Variants in TRIM9 observed in about 807,000 individuals in gnomAD.
TRIM9 encodes the protein tripartite motif containing 9, also known as E3 ubiquitin-protein ligase TRIM9.
In TRIM9, 26 loss-of-function variants were observed where a neutral mutation model predicts 78.3. That is an observed-to-expected ratio of 0.33 (90% CI 0.24 to 0.46). TRIM9 has a LOEUF of 0.46. Ranked by LOEUF, TRIM9 falls within the 20% of genes least tolerant of loss-of-function variation. The probability of loss-of-function intolerance (pLI) is 1.00; values close to 1 mark genes in which losing one functional copy is unlikely to be tolerated. For synonymous variants in TRIM9, 398 were observed against 416.5 expected, an observed-to-expected ratio of 0.96 and a Z score of 0.54; for missense variants, 787 against 1,036.4, an observed-to-expected ratio of 0.76 and a Z score of 3.30.
chr14:51,000,533 A>G lies in TRIM9; in HGVS notation c.1464+150T>C, dbSNP rs949557480. 14 of 1,027,628 alleles carry G rather than the reference A, an allele frequency of 1.4e-5. 1 individual carries two copies. In the South Asian group the frequency reaches 2.3e-4, roughly 17 times the overall value. The allele number at this position is 1,027,628 out of a possible 1,614,324, so 63.7% of individuals were successfully genotyped here. A position where few individuals can be genotyped will look rare whatever the true frequency, so the allele number is the denominator to read the frequency against. On this transcript the variant is annotated intron_variant, in intron 6 of 12. Transcript: ENST00000684578. ...CCATCCACCTTCACGGTAGAGGGAGAAAGCAGGCTTCAGGTGAAGGGCAGG... is the reference window on the plus strand; with the variant it reads ...CCATCCACCTTCACGGTAGAGGGAGGAAGCAGGCTTCAGGTGAAGGGCAGG...
chr14:51,027,580 T>C (rs946621), intron 1 of TRIM9, among the ~76,000 whole-genome samples: 152,321 of 152,360 alleles, frequency 1, 76,141 homozygotes, highest in Non-Finnish European at 1. Context: ...TCTATGTATT[T>C]AGGCTCCAAG....
chr14:51,027,823 T>C (rs961615037), intron 1 of TRIM9, among the ~76,000 whole-genome samples: 1 of 144,804 alleles, frequency 6.9e-6, no homozygotes, highest in African/African-American at 2.7e-5. Flanking sequence ...TCATTGTTAC[T>C]TTAGAACTCA....
At chr14:51,010,605 TGG>T in intron 3 of TRIM9, 111 bp from the exon 4 acceptor site, 2 of 743,298 alleles carry the variant, frequency 2.7e-6, no homozygotes, top group Middle Eastern at 5.8e-4. Context: ...CATTCTGGAA[TGG>T]AACTAAATTT....
intron 5 of TRIM9, among the ~76,000 whole-genome samples, chr14:51,006,533 A>C (rs1325830372): frequency 6.6e-6 from 1 of 152,220 alleles, no homozygotes; most frequent in Non-Finnish European, 1.5e-5. Flanking sequence ...AAAATTATTC[A>C]GATTCTAAAG....
At position 51,094,990 on chromosome 14, in the gene TRIM9, G is replaced by A. The variant is rs1387906287; in HGVS notation, c.-51C>T. On this transcript the variant is annotated 5_prime_UTR_variant, in exon 1 of 13. Transcript: ENST00000684578. Reference sequence around the variant, plus strand: ...GACGGCTGCAGCGGGTGCCTGAGCTGGCGAGGTGGCCGACGGGCCCGTCTT... The same window carrying A: ...GACGGCTGCAGCGGGTGCCTGAGCTAGCGAGGTGGCCGACGGGCCCGTCTT... The A allele has an allele frequency of 3.0e-5, 40 of 1,338,666 alleles. No homozygotes were observed. Among genetic ancestry groups the A allele is most frequent in the Non-Finnish European group, 3.7e-5 (38 of 1,032,972 alleles). The allele number at this position is 1,338,666 out of a possible 1,614,324, so 82.9% of individuals were successfully genotyped here. A position where few individuals can be genotyped will look rare whatever the true frequency, so the allele number is the denominator to read the frequency against.
chr14:51,011,204 A>G (rs1225696842), intron 3 of TRIM9, among the ~76,000 whole-genome samples: 1 of 152,204 alleles, frequency 6.6e-6, no homozygotes, highest in Non-Finnish European at 1.5e-5. Context: ...GTCTGCTTTA[A>G]CCTAAATAGG....
At chr14:50,979,339 A>T in intron 12 of TRIM9, 48 bp downstream of exon 12, 1 of 1,614,100 alleles carries the variant, frequency 6.2e-7, no homozygotes, top group African/African-American at 1.3e-5. Context: ...GCAGCCTTTG[A>T]ACCGGTAGCC....
At chr14:51,071,131 C>T (rs189825625) in intron 1 of TRIM9, among the ~76,000 whole-genome samples, 2 of 152,194 alleles carry the variant, frequency 1.3e-5, no homozygotes, top group African/African-American at 4.8e-5. Context: ...GTAATCCTAG[C>T]ACTTTGAGGC....
chr14:50,993,598 C>A (rs2053816642), intron 7 of TRIM9, among the ~76,000 whole-genome samples: 1 of 152,122 alleles, frequency 6.6e-6, no homozygotes, highest in Non-Finnish European at 1.5e-5. Context: ...GAACTCTTGA[C>A]CTCAGGAGAT....
intron 1 of TRIM9, among the ~76,000 whole-genome samples, chr14:51,091,673 AT>A (rs986719874): frequency 1.9e-4 from 29 of 152,018 alleles, no homozygotes; most frequent in Non-Finnish European, 3.7e-4. Context: ...CTTCTGTCTT[AT>A]TTTTTTTCTT....
At chr14:51,035,477 T>C (rs2059064755) in intron 1 of TRIM9, among the ~76,000 whole-genome samples, 1 of 152,232 alleles carries the variant, frequency 6.6e-6, no homozygotes, top group African/African-American at 2.4e-5. Flanking sequence ...TCTAATACCA[T>C]GTTTTAAATT....
intron 7 of TRIM9, chr14:50,986,352 G>T: frequency 2.6e-6 from 1 of 384,940 alleles, no homozygotes; most frequent in Non-Finnish European, 4.6e-6. Flanking sequence ...AGGACACCTC[G>T]AACAACAAAG....
intron 11 of TRIM9, among the ~76,000 whole-genome samples, chr14:50,980,071 T>C (rs1959535): frequency 0.037 from 5,679 of 152,300 alleles, 280 homozygotes; most frequent in African/African-American, 0.12. Context: ...CTAAACCACA[T>C]GCATGAGAAA....
chr14:50,993,940 T>A (rs78261949), intron 7 of TRIM9, among the ~76,000 whole-genome samples: 1,952 of 152,260 alleles, frequency 0.013, 39 homozygotes, highest in African/African-American at 0.045. Flanking sequence ...AGTATAGTAC[T>A]AAGAATAATG....
At chr14:50,988,960 TC>T (rs2053123503) in intron 7 of TRIM9, among the ~76,000 whole-genome samples, 1 of 152,194 alleles carries the variant, frequency 6.6e-6, no homozygotes, top group African/African-American at 2.4e-5. Flanking sequence ...TCCAGCCAGC[TC>T]CCTCTAGTTG....
intron 1 of TRIM9, among the ~76,000 whole-genome samples, chr14:51,041,239 C>T (rs934847018): frequency 2.0e-5 from 3 of 152,226 alleles, no homozygotes; most frequent in Admixed American, 2.0e-4. Flanking sequence ...AAATAAATCT[C>T]ACCATGGGAA....
chr14:51,080,517 G>T (rs1477547840), intron 1 of TRIM9, among the ~76,000 whole-genome samples: 1 of 150,928 alleles, frequency 6.6e-6, no homozygotes, highest in East Asian at 1.9e-4. Context: ...TGGATGTTCA[G>T]AATTCTTAAT....
At chr14:51,016,474 A>G (rs1218767791) in intron 3 of TRIM9, among the ~76,000 whole-genome samples, 1 of 65,206 alleles carries the variant, frequency 1.5e-5, no homozygotes, top group Admixed American at 1.7e-4. Flanking sequence ...CCCACCCCCT[A>G]CCCCCCTGCA....
chr14:51,004,054 T>C (rs1238345230), intron 5 of TRIM9, among the ~76,000 whole-genome samples: 1 of 152,242 alleles, frequency 6.6e-6, no homozygotes, highest in East Asian at 1.9e-4. Flanking sequence ...AGCATTACAG[T>C]TTCTGGACTG....
Sources: gnomAD v4.1 joint callset for allele counts (sites outside exome capture counted in the v4.1 genomes callset) on GRCh38, gnomAD v4.1.1 for gene constraint, MANE v1.5 for transcripts, NCBI Gene and HGNC (gene_info 2026-07-23, HGNC 2026-07-21) for gene names.